EDA: variants seen among roughly 807,000 people sequenced by gnomAD.
EDA encodes the protein ectodysplasin A, also known as ectodysplasin-A.
A neutral mutation model predicts 23.6 loss-of-function variants in EDA; 2 were observed. That is an observed-to-expected ratio of 0.08 (90% CI 0.03 to 0.27). EDA has a LOEUF of 0.27. Among genes scored for constraint, EDA ranks in the 10% least tolerant of loss-of-function variants. The pLI is 1.00. For missense variants in EDA, 229 were observed against 324.2 expected (o/e 0.71, Z 2.26); for synonymous variants, 131 against 132.0 (o/e 0.99, Z 0.05).
intron 2 of EDA, among the ~76,000 whole-genome samples, chrX:70,014,563 G>A (rs1602607051): frequency 8.9e-6 from 1 of 112,132 alleles, no homozygotes; most frequent in East Asian, 2.8e-4. Flanking sequence ...CCGGTATCCA[G>A]CAAGAGTTCT....
rs146969768 is a variant in EDA at position 69,659,175 on chromosome X, A to G, written c.396+42471A>G. Among the ~76,000 whole-genome samples the G allele has an allele frequency of 6.2e-3, 701 of 112,480 alleles. 5 individuals carry two copies. The highest frequency in any genetic ancestry group is 0.019 in the African/African-American group (585 of 31,024). ...AAATCAGAGTTTTCAGAGCAAATAAAATAAGGATGAGCTTTAATTTTCTAA... is the reference window on the plus strand; with the variant it reads ...AAATCAGAGTTTTCAGAGCAAATAAGATAAGGATGAGCTTTAATTTTCTAA... On this transcript the variant is annotated intron_variant, in intron 1 of 7. Coordinates refer to ENST00000374552, the MANE Select transcript of EDA (RefSeq NM_001399.5).
chrX:69,809,594 G>A (rs1298991513), intron 1 of EDA, among the ~76,000 whole-genome samples: 1 of 111,585 alleles, frequency 9.0e-6, no homozygotes, highest in Non-Finnish European at 1.9e-5. Flanking sequence ...GTTAAGGTGA[G>A]GCATACCTGT....
At chrX:69,764,080 A>G (rs2014392386) in intron 1 of EDA, among the ~76,000 whole-genome samples, 1 of 108,963 alleles carries the variant, frequency 9.2e-6, no homozygotes, top group African/African-American at 3.3e-5. Context: ...GGAGGGGATA[A>G]TTAGATTAGA....
At chrX:69,737,557 A>G (rs1166975633) in intron 1 of EDA, among the ~76,000 whole-genome samples, 1 of 112,192 alleles carries the variant, frequency 8.9e-6, no homozygotes, top group Admixed American at 9.5e-5. Context: ...TTACTTTTAC[A>G]TATACTATAA....
rs775062332 is a variant in EDA at position 69,912,990 on chromosome X, A to C, written c.397-44037A>C. 6.4e-5 allele frequency among the ~76,000 whole-genome samples: 7 copies of C among 109,637 alleles called. No homozygotes were observed. In the East Asian group the frequency reaches 2.0e-3, roughly 32 times the overall value. On this transcript the variant is annotated intron_variant, in intron 1 of 7. Coordinates refer to ENST00000374552, the MANE Select transcript of EDA (RefSeq NM_001399.5). ...ACCATGTTGGCCAGGCTGGTTTTCA[A>C]CTCCTGATCTCAGGTGATCTAACTG...
chrX:70,026,758 T>C (rs1170976314), intron 3 of EDA, among the ~76,000 whole-genome samples: 1 of 110,760 alleles, frequency 9.0e-6, no homozygotes, highest in Non-Finnish European at 1.9e-5. Flanking sequence ...TTTACAGAGG[T>C]CAGCTGAGAG....
rs2016722731 is a variant in EDA at position 69,834,691 on chromosome X, C to T, written c.397-122336C>T. On this transcript the variant is annotated intron_variant, in intron 1 of 7. Transcript: ENST00000374552. ...CAATTTGCCAGTCTGTGTCTTTTAA[C>T]TGGGGCATTTAGCCCATGTACATTT... is the stretch of plus-strand genomic sequence containing the variant. 3.6e-5 allele frequency among the ~76,000 whole-genome samples: 4 copies of T among 111,265 alleles called. No homozygotes were observed. The South Asian group carries it at 1.5e-3, about 43-fold the overall frequency.
In EDA at chrX:69,709,018, T is replaced by C. The variant is rs188921256; in HGVS notation, c.396+92314T>C. Reference sequence around the variant, plus strand: ...GTCTAGAATGTGTTCTTGGTGTGTTTGAGGAATGGCAAAGTTGTCAATGTA... The same window carrying C: ...GTCTAGAATGTGTTCTTGGTGTGTTCGAGGAATGGCAAAGTTGTCAATGTA... On this transcript the variant is annotated intron_variant, in intron 1 of 7. Coordinates refer to ENST00000374552, the MANE Select transcript of EDA (RefSeq NM_001399.5). Among the ~76,000 whole-genome samples, 4 of 111,758 alleles carry C rather than the reference T, an allele frequency of 3.6e-5. No individual in the cohort carries two copies. The East Asian group carries it at 1.1e-3, about 32-fold the overall frequency.
chrX:69,941,850 C>T (rs1172806655), intron 1 of EDA, among the ~76,000 whole-genome samples: 1 of 111,109 alleles, frequency 9.0e-6, no homozygotes, highest in Admixed American at 9.6e-5. Context: ...GTCTTCTCTT[C>T]CTTCTTTCCT....
intron 1 of EDA, among the ~76,000 whole-genome samples, chrX:69,953,924 T>A (rs150906599): frequency 0.01 from 1,129 of 111,957 alleles, 13 homozygotes; most frequent in African/African-American, 0.035. Context: ...GAGAAAATTT[T>A]AGGGGGTGAT....
Position 69,895,316 on chromosome X carries a change from T to C in EDA, c.397-61711T>C, listed in dbSNP as rs2017995251. 2.8e-5 allele frequency among the ~76,000 whole-genome samples: 3 copies of C among 108,910 alleles called. No individual in the cohort carries two copies. The Admixed American group carries it at 3.0e-4, about 11-fold the overall frequency. 94.6% of individuals were successfully genotyped at this position (108,910 alleles called of 115,157 possible). A position where few individuals can be genotyped will look rare whatever the true frequency, so the allele number is the denominator to read the frequency against. On this transcript the variant is annotated intron_variant, in intron 1 of 7. Coordinates refer to ENST00000374552, the MANE Select transcript of EDA (RefSeq NM_001399.5). ...GGATGAGGGTACTTTAAGTTTAGTT[T>C]CCAGCGGTGAGACTGGATTTGTACG... is the stretch of plus-strand genomic sequence containing the variant.
chrX:69,826,700 T>C (rs1404496371), intron 1 of EDA, among the ~76,000 whole-genome samples: 1 of 109,810 alleles, frequency 9.1e-6, no homozygotes, highest in East Asian at 2.8e-4. Flanking sequence ...TCCATTTACA[T>C]TTAAAGTTAA....
intron 1 of EDA, among the ~76,000 whole-genome samples, chrX:69,952,400 G>A (rs2018940551): frequency 9.0e-6 from 1 of 111,577 alleles, no homozygotes; most frequent in African/African-American, 3.3e-5. Flanking sequence ...GAGAGCTTGT[G>A]CAGGGGAAGT....
intron 1 of EDA, 159 bp downstream of exon 1, chrX:69,616,863 GGTTGTCTTC>G: frequency 1.4e-6 from 1 of 694,666 alleles, no homozygotes; most frequent in East Asian, 3.5e-5. Flanking sequence ...GCCCAGGGCA[GGTTGTCTTC>G]GGTCCCTGGC....
chrX:69,991,976 G>A (rs1033080179), intron 2 of EDA, among the ~76,000 whole-genome samples: 5 of 112,235 alleles, frequency 4.5e-5, no homozygotes, highest in East Asian at 2.8e-4. Flanking sequence ...AGCCTGCTCC[G>A]GTTCCACTGT....
chrX:69,752,610 T>C (rs2013928340), intron 1 of EDA, among the ~76,000 whole-genome samples: 1 of 112,068 alleles, frequency 8.9e-6, no homozygotes, highest in African/African-American at 3.2e-5. Flanking sequence ...TTAGGGAAGA[T>C]TCCCTCTTTT....
At chrX:69,940,048 C>CT (rs377262930) in intron 1 of EDA, among the ~76,000 whole-genome samples, 2,001 of 110,649 alleles carry the variant, frequency 0.018, 46 homozygotes, top group African/African-American at 0.055. Flanking sequence ...TTGTAGTTTT[C>CT]TTTTTTTGAT....
At chrX:69,957,638 C>T (rs752486672) in intron 2 of EDA, 2 of 115,972 alleles carry the variant, frequency 1.7e-5, no homozygotes, top group Non-Finnish European at 3.6e-5. Flanking sequence ...ATCCTCCCTC[C>T]TCCAACTCCA....
At chrX:69,752,585 G>A (rs192139570) in intron 1 of EDA, among the ~76,000 whole-genome samples, 1 of 111,795 alleles carries the variant, frequency 8.9e-6, no homozygotes, top group East Asian at 2.8e-4. Context: ...GATGATGTTG[G>A]CCTCATAAAA....
Sources: gnomAD v4.1 joint callset for allele counts (sites outside exome capture counted in the v4.1 genomes callset) on GRCh38, gnomAD v4.1.1 for gene constraint, MANE v1.5 for transcripts, NCBI Gene and HGNC (gene_info 2026-07-23, HGNC 2026-07-21) for gene names.